Variants in ZNF248 observed in about 807,000 individuals in gnomAD.
ZNF248 encodes the protein zinc finger protein 248.
Under a neutral mutation model 44.3 loss-of-function variants are expected in ZNF248, and 20 were observed. The ratio of observed to expected loss-of-function variants is 0.45; its 90% CI spans 0.32 to 0.66. The LOEUF is 0.66. Among genes scored for constraint, ZNF248 ranks in the 30% least tolerant of loss-of-function variants. ZNF248 has a pLI of 0.04. For synonymous variants in ZNF248, 224 were observed against 229.0 expected (o/e 0.98, Z 0.20); for missense variants, 654 against 677.0 (o/e 0.97, Z 0.38).
chr10:37,838,060 A>G lies in ZNF248; in HGVS notation c.67T>C (p.Tyr23His). The G allele has an allele frequency of 6.2e-7, 1 of 1,613,472 alleles. No homozygotes were observed. The highest frequency in any genetic ancestry group is 1.1e-5 in the South Asian group (1 of 91,032). The change falls in exon 4 of 6, where the codon TAT becomes CAT. Residue 23 changes from tyrosine (Y) to histidine (H), a missense_variant. Physicochemically the swap from Tyr to His is moderately conservative, Grantham distance 83 (BLOSUM62 2). Transcript: ENST00000395867. ...VCVDFTQEEW[Y>H]LLDPAQKILY... is the part of the protein sequence containing the mutation. The stretch of plus-strand genomic sequence containing the variant: ...ATCTTCTGAGCAGGGTCCAGCAGAT[A>G]CCACTCTTCCTGAGTGAAGTCCACA...
At chr10:37,822,046 C>T (rs1256081017) in intron 6 of ZNF248, among the ~76,000 whole-genome samples, 2 of 152,218 alleles carry the variant, frequency 1.3e-5, no homozygotes, top group Non-Finnish European at 2.9e-5. Flanking sequence ...GCTATGCCTT[C>T]CCCTCCCGGT....
intron 6 of ZNF248, among the ~76,000 whole-genome samples, chr10:37,783,613 C>G (rs2047557056): frequency 6.6e-6 from 1 of 152,108 alleles, no homozygotes; most frequent in Non-Finnish European, 1.5e-5. Flanking sequence ...TTGGCTTACA[C>G]AATAAAAAAC....
intron 6 of ZNF248, among the ~76,000 whole-genome samples, chr10:37,777,669 A>C (rs989774883): frequency 7.0e-6 from 1 of 142,508 alleles, no homozygotes; most frequent in Admixed American, 6.9e-5. Flanking sequence ...ATATCTCCCA[A>C]TGCTATCCCT....
At chr10:37,819,515 T>C in intron 6 of ZNF248, 2 of 1,124,802 alleles carry the variant, frequency 1.8e-6, no homozygotes, top group Non-Finnish European at 2.7e-6. Context: ...ACCTCCTCTA[T>C]CCAAAAGATG....
At chr10:37,824,836 C>CA (rs1175907231), downstream of ZNF248, among the ~76,000 whole-genome samples, 3 of 148,684 alleles carry the variant, frequency 2.0e-5, no homozygotes, top group Non-Finnish European at 4.5e-5. Context: ...TGCCCACCAC[C>CA]ACACCCAGCT....
At chr10:37,790,955 G>C (rs117281191) in intron 6 of ZNF248, among the ~76,000 whole-genome samples, 8,574 of 140,778 alleles carry the variant, frequency 0.061, 331 homozygotes, top group Middle Eastern at 0.1. Context: ...TAGAAGTGTA[G>C]TTTAGCTCTG....
In ZNF248 at chr10:37,803,882, A is replaced by T. The variant is rs78453006; in HGVS notation, c.331-27307T>A. ...TGCCTGACCCTGGAGCTCAGAAGAA[A>T]CATCAAGAATCCTGGAAACACACGG... On this transcript the variant is annotated intron_variant, in intron 6 of 6. Transcript: ENST00000615949. The T allele has an allele frequency of 9.4e-3, 1,442 of 152,880 alleles. 21 individuals are homozygous for T. Among genetic ancestry groups the T allele is most frequent in the African/African-American group, 0.033 (1,369 of 41,570 alleles). The allele number at this position is 152,880 out of a possible 1,614,324, so 9.5% of individuals were successfully genotyped here.
At chr10:37,837,183 G>A (rs2057387538) in intron 5 of ZNF248, among the ~76,000 whole-genome samples, 2 of 151,502 alleles carry the variant, frequency 1.3e-5, no homozygotes, top group Non-Finnish European at 1.5e-5. Context: ...GCACAATCTC[G>A]GCTCACTGCA....
At chr10:37,815,764 C>T (rs1272190356) in intron 6 of ZNF248, among the ~76,000 whole-genome samples, 2 of 152,002 alleles carry the variant, frequency 1.3e-5, no homozygotes, top group East Asian at 3.9e-4. Context: ...ATCAGATTCT[C>T]CCCATTACCC....
At chr10:37,774,529 GCTATAAAA>G (rs1359921538), downstream of ZNF248, among the ~76,000 whole-genome samples, 1 of 152,112 alleles carries the variant, frequency 6.6e-6, no homozygotes. Flanking sequence ...GATATGCTAG[GCTATAAAA>G]CTCCAGGAAG....
At chr10:37,791,042 CTTTTTTTTTTTTTTTTTTTTTTTTTT>C (rs869199263) in intron 6 of ZNF248, among the ~76,000 whole-genome samples, 3 of 50,920 alleles carry the variant, frequency 5.9e-5, no homozygotes, top group African/African-American at 8.0e-5. Flanking sequence ...TTTGTTATTT[CTTTTTTTTTTTTTTTTTTTTTTTTTT>C]TTTGAGACAG....
chr10:37,811,784 T>C (rs941321981), intron 6 of ZNF248, among the ~76,000 whole-genome samples: 3 of 152,078 alleles, frequency 2.0e-5, no homozygotes, highest in Non-Finnish European at 4.4e-5. Flanking sequence ...AGGTCAAGGC[T>C]GCAAGTAAGC....
downstream of ZNF248, chr10:37,775,510 T>C (rs965387229): frequency 3.3e-5 from 5 of 152,270 alleles, no homozygotes; most frequent in South Asian, 1.0e-3. Flanking sequence ...CACACTCGTC[T>C]ATGGGAAAAA....
the ZNF248 span, among the ~76,000 whole-genome samples, chr10:37,765,678 C>G: frequency 6.6e-6 from 1 of 152,234 alleles, no homozygotes; most frequent in Non-Finnish European, 1.5e-5. Context: ...CAGCTCTGGT[C>G]TACAGCTCCC....
In ZNF248 at chr10:37,837,686, T is replaced by C; in HGVS notation, c.169A>G (p.Ile57Val). ...VGYCITKPEV[I>V]FKIEQGEEPW... is the part of the protein sequence containing the mutation. ...TCTTCTCCTTGCTCGATCTTAAAGA[T>C]CACTTCTGGTTTAGTAATGCAATAC... The change falls in exon 5 of 6, where the codon ATC becomes GTC. Residue 57 changes from isoleucine (I) to valine (V), a missense_variant. Ile to Val is a conservative substitution (Grantham distance 29). Coordinates refer to ENST00000395867, the MANE Select transcript of ZNF248 (RefSeq NM_021045.3). 1 of 1,614,096 alleles carries C rather than the reference T, an allele frequency of 6.2e-7. No individual in the cohort carries two copies. Among genetic ancestry groups the C allele is most frequent in the Non-Finnish European group, 8.5e-7 (1 of 1,180,000 alleles).
rs146297591 is a variant in ZNF248 at position 37,814,419 on chromosome 10, C to T, written c.330+18606G>A. On this transcript the variant is annotated intron_variant, in intron 6 of 6. Transcript: ENST00000615949. ...AAAATCAAAAAGTGGAATTACTAAC[C>T]AAAGTTACAGTAATACATCTTTGTA... is the stretch of plus-strand genomic sequence containing the variant. Among the ~76,000 whole-genome samples, 528 of 152,244 alleles carry T rather than the reference C, an allele frequency of 3.5e-3. 4 individuals are homozygous for T. Among genetic ancestry groups the T allele is most frequent in the African/African-American group, 0.012 (501 of 41,540 alleles).
In ZNF248 at chr10:37,829,822, T is replaced by C. The variant is rs1184942441; in HGVS notation, c.*1793A>G. The C allele has an allele frequency of 2.0e-6, 2 of 985,426 alleles. No individual in the cohort carries two copies. Among genetic ancestry groups the C allele is most frequent in the Non-Finnish European group, 2.4e-6 (2 of 829,928 alleles). The allele number at this position is 985,426 out of a possible 1,614,324, so 61.0% of individuals were successfully genotyped here. On this transcript the variant is annotated 3_prime_UTR_variant, in exon 6 of 6. Coordinates refer to ENST00000395867, the MANE Select transcript of ZNF248 (RefSeq NM_021045.3). ...AGTACTACACAATACTTCCCAAACATCTCATTGCTCCCAAGTTCACCCCAA... is the reference window on the plus strand; with the variant it reads ...AGTACTACACAATACTTCCCAAACACCTCATTGCTCCCAAGTTCACCCCAA...
the ZNF248 span, among the ~76,000 whole-genome samples, chr10:37,764,916 C>T: frequency 6.6e-6 from 1 of 151,772 alleles, no homozygotes; most frequent in Admixed American, 6.6e-5. Context: ...CATGAATCTG[C>T]ACTAGTTTAT....
At chr10:37,785,930 G>A (rs1315136332) in intron 6 of ZNF248, among the ~76,000 whole-genome samples, 3 of 152,312 alleles carry the variant, frequency 2.0e-5, no homozygotes, top group African/African-American at 7.2e-5. Flanking sequence ...CACAAATTGT[G>A]CAGATCTTTG....
Sources: gnomAD v4.1 joint callset for allele counts (sites outside exome capture counted in the v4.1 genomes callset) on GRCh38, gnomAD v4.1.1 for gene constraint, MANE v1.5 for transcripts, NCBI Gene and HGNC (gene_info 2026-07-23, HGNC 2026-07-21) for gene names.